DYNC1LI2: variants seen among roughly 807,000 people sequenced by gnomAD.
DYNC1LI2 encodes dynein cytoplasmic 1 light intermediate chain 2.
A neutral mutation model predicts 57.8 loss-of-function variants in DYNC1LI2; 19 were observed. The observed-to-expected ratio is 0.33, with a 90% CI of 0.23 to 0.48. The LOEUF (loss-of-function observed/expected upper bound fraction) is 0.48. Ranked by LOEUF, DYNC1LI2 falls within the 20% of genes least tolerant of loss-of-function variation. The pLI, the probability that DYNC1LI2 is intolerant of heterozygous loss-of-function variation, is 0.99. For synonymous variants in DYNC1LI2, 256 were observed against 233.4 expected (o/e 1.10, Z -0.88); for missense variants, 470 against 604.2 (o/e 0.78, Z 2.33).
In DYNC1LI2 at chr16:66,749,106, G is replaced by A. The variant is rs568325507; in HGVS notation, c.298+91C>T. On this transcript the variant is annotated intron_variant, in intron 3 of 12. Coordinates refer to ENST00000258198, the MANE Select transcript of DYNC1LI2 (RefSeq NM_006141.3). ...CTCTGAGAACCAAACAGAAAACTGA[G>A]AATGCCTGGCCATGCTGCAGGAACT... 74 of 1,243,334 alleles carry A rather than the reference G, an allele frequency of 6.0e-5. No homozygotes were observed. The African/African-American group carries it at 1.1e-3, about 18-fold the overall frequency. 77.0% of individuals were successfully genotyped at this position (1,243,334 alleles called of 1,614,324 possible). A position where few individuals can be genotyped will look rare whatever the true frequency, so the allele number is the denominator to read the frequency against.
At position 66,751,574 on chromosome 16, in the gene DYNC1LI2, C is replaced by T. The variant is rs771138062; in HGVS notation, c.18G>A (p.Val6=). MAPVG[V]EKKLLLGPNG... The stretch of plus-strand genomic sequence containing the variant: ...TGGGACCTAGCAGCAGCTTCTTCTC[C>T]ACCCCCACCGGCGCCATCTTGCCAA... Residue 6 remains valine (V), a synonymous_variant, in exon 1 of 13, where the codon GTG becomes GTA. Coordinates refer to ENST00000258198, the MANE Select transcript of DYNC1LI2 (RefSeq NM_006141.3). The surrounding 1 kb of genome is among the most constrained non-coding windows in gnomAD (Gnocchi z 5.2). 11 of 1,579,492 alleles carry T rather than the reference C, an allele frequency of 7.0e-6. No homozygotes were observed. In the Admixed American group the frequency reaches 1.6e-4, roughly 23 times the overall value.
At chr16:66,728,043 G>T in intron 10 of DYNC1LI2, 158 bp downstream of exon 10, 2 of 1,070,184 alleles carry the variant, frequency 1.9e-6, no homozygotes, top group Non-Finnish European at 2.7e-6. Flanking sequence ...AACTTCTTGA[G>T]TTTCTTTTAT....
intron 3 of DYNC1LI2, among the ~76,000 whole-genome samples, chr16:66,746,116 G>A (rs771541801): frequency 6.6e-6 from 1 of 151,562 alleles, no homozygotes; most frequent in Non-Finnish European, 1.5e-5. Flanking sequence ...GCTTTAGTTT[G>A]GGTTCTGTGA....
intron 3 of DYNC1LI2, among the ~76,000 whole-genome samples, chr16:66,744,648 T>C (rs2017902826): frequency 6.6e-6 from 1 of 151,650 alleles, no homozygotes; most frequent in Non-Finnish European, 1.5e-5. Flanking sequence ...CCCTCCCTGC[T>C]GCCCAGGTTC....
chr16:66,745,982 C>A (rs1297630587), intron 3 of DYNC1LI2, among the ~76,000 whole-genome samples: 1 of 151,716 alleles, frequency 6.6e-6, no homozygotes, highest in Non-Finnish European at 1.5e-5. Flanking sequence ...TAAAAAAAAA[C>A]CTATCTTTTA....
chr16:66,732,726 A>G (rs1318321691), intron 6 of DYNC1LI2: 3 of 339,748 alleles, frequency 8.8e-6, no homozygotes, highest in Admixed American at 4.7e-5. Context: ...GCATAAAGCT[A>G]TGTTGATGCT....
At chr16:66,727,585 T>G in intron 11 of DYNC1LI2, 103 bp downstream of exon 11, 1 of 1,062,306 alleles carries the variant, frequency 9.4e-7, no homozygotes, top group Non-Finnish European at 1.4e-6. Flanking sequence ...TAGCCTGGCT[T>G]CCATGAGTCT....
At chr16:66,724,529 C>G (rs547328490) in intron 12 of DYNC1LI2, 1 of 152,170 alleles carries the variant, frequency 6.6e-6, no homozygotes, top group Admixed American at 6.5e-5. Context: ...TATAAACATA[C>G]CTTATAGCCA....
rs771847007 is a variant in DYNC1LI2, at chr16:66,722,986, C to T, written c.*736G>A. 5 of 234,494 alleles carry T rather than the reference C, an allele frequency of 2.1e-5. No individual in the cohort carries two copies. The highest frequency in any genetic ancestry group is 3.4e-5 in the Non-Finnish European group (4 of 116,128). 14.5% of individuals were successfully genotyped at this position (234,494 alleles called of 1,614,324 possible). ...TATCCGTGGACCCCAGTACCTCTCA[C>T]GAGGACATAGCCTGGGCCAAGCACA... On this transcript the variant is annotated 3_prime_UTR_variant, in exon 13 of 13. Coordinates refer to ENST00000258198, the MANE Select transcript of DYNC1LI2 (RefSeq NM_006141.3).
chr16:66,736,298 A>T, intron 4 of DYNC1LI2, 54 bp from the exon 5 acceptor site: 1 of 1,594,124 alleles, frequency 6.3e-7, no homozygotes, highest in Non-Finnish European at 8.6e-7. Flanking sequence ...AATACATGTT[A>T]GCTTTAGAAC....
intron 3 of DYNC1LI2, 113 bp downstream of exon 3, chr16:66,749,084 T>C: frequency 9.5e-7 from 1 of 1,052,970 alleles, no homozygotes; most frequent in Non-Finnish European, 1.4e-6. Flanking sequence ...ATTAACTCTC[T>C]GAGAACCAAA....
At chr16:66,735,112 T>TC (rs1254950553) in intron 5 of DYNC1LI2, among the ~76,000 whole-genome samples, 7 of 147,740 alleles carry the variant, frequency 4.7e-5, no homozygotes, top group Non-Finnish European at 7.5e-5. Context: ...TTTTTTTTTC[T>TC]TTTTTTTTTG....
At chr16:66,726,053 G>A in intron 11 of DYNC1LI2, 109 bp from the exon 12 acceptor site, 1 of 1,122,902 alleles carries the variant, frequency 8.9e-7, no homozygotes, top group Non-Finnish European at 1.3e-6. Context: ...CAGCTTCCTA[G>A]GATATTGATA....
intron 6 of DYNC1LI2, 162 bp downstream of exon 6, chr16:66,734,056 C>T: frequency 1.7e-6 from 1 of 587,216 alleles, no homozygotes; most frequent in Non-Finnish European, 2.9e-6. Context: ...GTTAATAAAC[C>T]TAAAACTCCG....
intron 9 of DYNC1LI2, among the ~76,000 whole-genome samples, chr16:66,728,694 G>A (rs2017579530): frequency 6.6e-6 from 1 of 152,214 alleles, no homozygotes; most frequent in Non-Finnish European, 1.5e-5. Context: ...ACAGGGCTGT[G>A]TGAGGCTACA....
intron 4 of DYNC1LI2, among the ~76,000 whole-genome samples, chr16:66,737,541 A>G (rs185520707): frequency 2.8e-4 from 42 of 152,154 alleles, no homozygotes; most frequent in Admixed American, 9.8e-4. Flanking sequence ...TTTTATAAGA[A>G]CATGCTGTTT....
At chr16:66,732,542 A>G in intron 6 of DYNC1LI2, 68 bp from the exon 7 acceptor site, 1 of 1,541,354 alleles carries the variant, frequency 6.5e-7, no homozygotes, top group East Asian at 2.3e-5. Context: ...ATACAACCTC[A>G]AAGTACTACT....
chr16:66,736,135 A>T lies in DYNC1LI2; in HGVS notation c.639T>A (p.Pro213=). 3 of 1,614,116 alleles carry T rather than the reference A, an allele frequency of 1.9e-6. No homozygotes were observed. Among genetic ancestry groups the T allele is most frequent in the Non-Finnish European group, 2.5e-6 (3 of 1,180,022 alleles). Residue 213 remains proline, a synonymous_variant, in exon 5 of 13, where the codon CCT becomes CCA. Coordinates refer to ENST00000258198, the MANE Select transcript of DYNC1LI2 (RefSeq NM_006141.3). ...SGSDEENVAL[P]LGDNVLTHNL... is the part of the protein sequence containing the mutation. ...TATGAGTCAGCACATTGTCACCCAG[A>T]GGCAGGGCAACATTTTCTTCATCGG...
At chr16:66,729,473 G>A (rs2122492) in intron 8 of DYNC1LI2, among the ~76,000 whole-genome samples, 76,683 of 151,394 alleles carry the variant, frequency 0.51, 20,266 homozygotes, top group African/African-American at 0.64. Context: ...TTTACATAAC[G>A]CCAGACCTCA....
Sources: allele counts gnomAD v4.1 joint callset (sites outside exome capture counted in the v4.1 genomes callset), GRCh38; gene constraint gnomAD v4.1.1; non-coding constraint Gnocchi (gnomAD v3.1); transcripts MANE v1.5; gene names NCBI Gene and HGNC (gene_info 2026-07-23, HGNC 2026-07-21).